ITGA9: variants seen among roughly 807,000 people sequenced by gnomAD.
The protein encoded by ITGA9 is integrin subunit alpha 9, also known as integrin alpha-9.
In ITGA9, 56 loss-of-function variants were observed where a neutral mutation model predicts 127.8. The ratio of observed to expected loss-of-function variants is 0.44; its 90% CI spans 0.35 to 0.55. The LOEUF (loss-of-function observed/expected upper bound fraction) is 0.55. Ranked by LOEUF, ITGA9 falls within the 20% of genes least tolerant of loss-of-function variation. The pLI is 0.00. For missense variants in ITGA9, 1,196 were observed against 1,347.1 expected (o/e 0.89, Z 1.76); for synonymous variants, 508 against 514.5 (o/e 0.99, Z 0.17).
intron 16 of ITGA9, among the ~76,000 whole-genome samples, chr3:37,634,327 A>C (rs1250975800): frequency 2.0e-5 from 3 of 151,714 alleles, no homozygotes; most frequent in South Asian, 2.1e-4. Context: ...AAAAAAAAAA[A>C]CAAAAAACAA....
intron 14 of ITGA9, among the ~76,000 whole-genome samples, chr3:37,538,100 A>G (rs537086467): frequency 2.0e-5 from 3 of 152,308 alleles, no homozygotes; most frequent in African/African-American, 7.2e-5. Context: ...CTTTCACCAG[A>G]GTGTGAAACG....
intron 17 of ITGA9, among the ~76,000 whole-genome samples, chr3:37,675,003 A>G (rs536188591): frequency 2.4e-4 from 37 of 152,254 alleles, no homozygotes; most frequent in Middle Eastern, 6.8e-3. Flanking sequence ...GACAGGCCTC[A>G]CTCACTGGAC....
In ITGA9 at chr3:37,683,947, G is replaced by A. The variant is rs1346254360; in HGVS notation, c.1999G>A (p.Asp667Asn). Residue 667 changes from aspartate to asparagine, a missense_variant, in exon 18 of 28, where the codon GAT becomes AAT. Physicochemically the swap from Asp to Asn is conservative, Grantham distance 23. Coordinates refer to ENST00000264741, the MANE Select transcript of ITGA9 (RefSeq NM_002207.3). ...CATCTCTATCTCCAACCTCGGAGAT[G>A]ATGCCTATGATGCCAACGTGTCCTT... The part of the protein sequence containing the change: ...LNISISNLGD[D>N]AYDANVSFNV... 1 of 1,613,598 alleles carries A rather than the reference G, an allele frequency of 6.2e-7. No individual in the cohort carries two copies. The highest frequency in any genetic ancestry group is 8.5e-7 in the Non-Finnish European group (1 of 1,179,512).
intron 17 of ITGA9, among the ~76,000 whole-genome samples, chr3:37,678,014 C>G (rs144626875): frequency 6.6e-6 from 1 of 152,242 alleles, no homozygotes; most frequent in African/African-American, 2.4e-5. Flanking sequence ...GGTATGATTT[C>G]CATGATTGAG....
In ITGA9 at chr3:37,821,263, T is replaced by G. The variant is rs111756164; in HGVS notation, c.*2274T>G. 6.6e-6 allele frequency: 1 copy of G among 152,256 alleles called. No homozygotes were observed. Among genetic ancestry groups the G allele is most frequent in the African/African-American group, 2.4e-5 (1 of 41,512 alleles). 9.4% of individuals were successfully genotyped at this position (152,256 alleles called of 1,614,324 possible). The stretch of plus-strand genomic sequence containing the variant: ...AAGCAGCTGTCACTCAGAGTTCGCT[T>G]ATGAGTTTTATCAAAAGCAGCAAGA... On this transcript the variant is annotated 3_prime_UTR_variant, in exon 28 of 28. Coordinates refer to ENST00000264741, the MANE Select transcript of ITGA9 (RefSeq NM_002207.3).
intron 3 of ITGA9, among the ~76,000 whole-genome samples, chr3:37,480,062 A>G (rs766193494): frequency 6.6e-6 from 1 of 152,152 alleles, no homozygotes; most frequent in Non-Finnish European, 1.5e-5. Flanking sequence ...CTGATATCAG[A>G]AGTGAGTAGT....
At chr3:37,474,829 C>T (rs1212105177) in intron 3 of ITGA9, among the ~76,000 whole-genome samples, 2 of 152,248 alleles carry the variant, frequency 1.3e-5, no homozygotes, top group African/African-American at 4.8e-5. Context: ...AACAGGTTTT[C>T]CTTAAGGCAC....
intron 5 of ITGA9, among the ~76,000 whole-genome samples, chr3:37,500,078 G>T (rs1431513521): frequency 6.6e-6 from 1 of 152,154 alleles, no homozygotes; most frequent in Non-Finnish European, 1.5e-5. Flanking sequence ...GTTCTTCAGT[G>T]CCCTTTGTAT....
At chr3:37,708,237 C>T (rs2125676606) in intron 18 of ITGA9, among the ~76,000 whole-genome samples, 2 of 152,286 alleles carry the variant, frequency 1.3e-5, no homozygotes, top group South Asian at 4.1e-4. Context: ...TCATCCCCAG[C>T]AGGCTGGCCC....
In ITGA9 at chr3:37,666,542, C is replaced by T. The variant is rs557394351; in HGVS notation, c.1916+12752C>T. Among the ~76,000 whole-genome samples, 4 of 152,250 alleles carry T rather than the reference C, an allele frequency of 2.6e-5. No individual in the cohort carries two copies. The East Asian group carries it at 5.8e-4, about 22-fold the overall frequency. ...GGTGCCTGGCTGTTGGTTTGTGGTT[C>T]GCTGGCGTTCCTCCGCATGGTCTCT... On this transcript the variant is annotated intron_variant, in intron 17 of 27. Transcript: ENST00000264741.
intron 23 of ITGA9, among the ~76,000 whole-genome samples, chr3:37,758,568 A>G (rs1166952983): frequency 1.3e-5 from 2 of 151,272 alleles, no homozygotes; most frequent in Non-Finnish European, 2.9e-5. Context: ...TATTTATGAT[A>G]TTTTATTACA....
chr3:37,743,784 G>A, intron 21 of ITGA9, 142 bp from the exon 22 acceptor site: 1 of 712,268 alleles, frequency 1.4e-6, no homozygotes, highest in East Asian at 2.7e-5. Flanking sequence ...GCACAGACTG[G>A]CTATGTAACA....
At chr3:37,549,205 G>C (rs1699356432) in intron 15 of ITGA9, among the ~76,000 whole-genome samples, 1 of 152,160 alleles carries the variant, frequency 6.6e-6, no homozygotes, top group Non-Finnish European at 1.5e-5. Flanking sequence ...TTCAGCATGG[G>C]AGCTGATATC....
At chr3:37,572,427 C>G (rs1699611119) in intron 15 of ITGA9, among the ~76,000 whole-genome samples, 1 of 152,060 alleles carries the variant, frequency 6.6e-6, no homozygotes, top group Non-Finnish European at 1.5e-5. Flanking sequence ...ATTGGGAATC[C>G]TTGTTTTGTC....
intron 17 of ITGA9, among the ~76,000 whole-genome samples, chr3:37,662,332 A>G (rs2125651996): frequency 6.6e-6 from 1 of 152,182 alleles, no homozygotes; most frequent in African/African-American, 2.4e-5. Context: ...GAGCCTGGGA[A>G]GCAGAGGTTG....
chr3:37,680,358 T>C (rs1700723129), intron 17 of ITGA9, among the ~76,000 whole-genome samples: 1 of 152,192 alleles, frequency 6.6e-6, no homozygotes, highest in Non-Finnish European at 1.5e-5. Flanking sequence ...AAACCCCAGC[T>C]TTGAGACTCC....
chr3:37,473,478 G>T lies in ITGA9; in HGVS notation c.420+18G>T, dbSNP rs185150295. 8.8e-5 allele frequency: 139 copies of T among 1,588,430 alleles called. No homozygotes were observed. The African/African-American group carries it at 1.6e-3, about 19-fold the overall frequency. On this transcript the variant is annotated intron_variant, in intron 3 of 27. Transcript: ENST00000264741. The stretch of plus-strand genomic sequence containing the variant: ...GTGTGTTGGTAAGTCCCTCCTGGGG[G>T]TGCTGTGGGAAGGGGGTGGCACTCT...
chr3:37,674,956 G>A (rs890124665), intron 17 of ITGA9, among the ~76,000 whole-genome samples: 3 of 152,212 alleles, frequency 2.0e-5, no homozygotes, highest in Non-Finnish European at 4.4e-5. Context: ...CTGTAATTCA[G>A]AGATATTCAG....
intron 15 of ITGA9, among the ~76,000 whole-genome samples, chr3:37,569,156 A>G (rs752196106): frequency 6.6e-6 from 1 of 152,186 alleles, no homozygotes; most frequent in South Asian, 2.1e-4. Flanking sequence ...CCTCACAATC[A>G]TGGTAGAAAG....
Sources: gnomAD v4.1 joint callset for allele counts (sites outside exome capture counted in the v4.1 genomes callset) on GRCh38, gnomAD v4.1.1 for gene constraint, MANE v1.5 for transcripts, NCBI Gene and HGNC (gene_info 2026-07-23, HGNC 2026-07-21) for gene names.